Variants in TUBGCP2 observed in about 807,000 individuals in gnomAD.
The protein encoded by TUBGCP2 is tubulin gamma complex component 2.
Under a neutral mutation model 92.2 loss-of-function variants are expected in TUBGCP2, and 55 were observed. That is an observed-to-expected ratio of 0.60 (90% CI 0.48 to 0.75). The LOEUF (loss-of-function observed/expected upper bound fraction) is 0.75, where lower values mean the gene tolerates loss of function less well. Among genes scored for constraint, TUBGCP2 ranks in the 30% least tolerant of loss-of-function variants. The probability of loss-of-function intolerance (pLI) is 0.00; values close to 1 mark genes in which losing one functional copy is unlikely to be tolerated. For synonymous variants in TUBGCP2, 533 were observed against 505.2 expected (o/e 1.06, Z -0.74); for missense variants, 1,093 against 1,188.9 (o/e 0.92, Z 1.19).
At chr10:133,292,796 G>A (rs1847390729) in intron 7 of TUBGCP2, 108 bp from the exon 8 acceptor site, 3 of 1,358,728 alleles carry the variant, frequency 2.2e-6, no homozygotes, top group Non-Finnish European at 3.0e-6. Context: ...TCCTGGGACG[G>A]TGCTGCTTCT....
At chr10:133,288,345 C>T (rs777891971) in intron 10 of TUBGCP2, 36 bp from the exon 11 acceptor site, 75 of 1,591,090 alleles carry the variant, frequency 4.7e-5, no homozygotes, top group Non-Finnish European at 5.8e-5. Flanking sequence ...GGTGCCCACC[C>T]GCAGGTGCCC....
At chr10:133,300,535 CAT>C (rs920690715) in intron 2 of TUBGCP2, 1 of 164,938 alleles carries the variant, frequency 6.1e-6, no homozygotes, top group Non-Finnish European at 1.3e-5. Flanking sequence ...GATCGTGCCA[CAT>C]GCATTCCAGC....
Position 133,289,895 on chromosome 10 carries a change from T to C in TUBGCP2, c.1289A>G (p.Gln430Arg), listed in dbSNP as rs1847239019. The C allele has an allele frequency of 6.2e-7, 1 of 1,604,046 alleles. No individual in the cohort carries two copies. The highest frequency in any genetic ancestry group is 1.4e-5 in the African/African-American group (1 of 72,360). ...QEDYNDKYWD[Q>R]RYTIVQQQIP... ...CTGCTGCTGGACGATGGTGTACCGC[T>C]GGTCCCAGTACTTGTCGTTGTAATC... The change falls in exon 9 of 18, where the codon CAG becomes CGG. Residue 430 changes from glutamine (Q) to arginine (R), a missense_variant. Around this residue, in one of 3 missense-constraint regions of TUBGCP2, gnomAD observed 598 missense variants for 675.5 expected, o/e 0.89. Coordinates refer to ENST00000252936, the MANE Select transcript of TUBGCP2 (RefSeq NM_006659.4).
At position 133,308,841 on chromosome 10, in the gene TUBGCP2, G is replaced by A. The variant is rs948686910; in HGVS notation, c.-58C>T. On this transcript the variant is annotated 5_prime_UTR_variant, in exon 1 of 18. Coordinates refer to ENST00000252936, the MANE Select transcript of TUBGCP2 (RefSeq NM_006659.4). ...GACTCACCGCAGTCCCGGAGCCACA[G>A]CCCCCGCGCAGCCCCCGACGGCGGC... The A allele has an allele frequency of 9.7e-7, 1 of 1,029,720 alleles. No homozygotes were observed. The highest frequency in any genetic ancestry group is 3.7e-4 in the Middle Eastern group (1 of 2,710). 63.8% of individuals were successfully genotyped at this position (1,029,720 alleles called of 1,614,324 possible).
intron 5 of TUBGCP2, among the ~76,000 whole-genome samples, chr10:133,296,768 G>A (rs1847497163): frequency 6.6e-6 from 1 of 152,222 alleles, no homozygotes; most frequent in East Asian, 1.9e-4. Context: ...GAGCCACCAT[G>A]CCTGGCCGAA....
At chr10:133,293,962 C>T (rs1847427474) in intron 5 of TUBGCP2, among the ~76,000 whole-genome samples, 193 bp from the exon 6 acceptor site, 1 of 152,252 alleles carries the variant, frequency 6.6e-6, no homozygotes, top group African/African-American at 2.4e-5. Flanking sequence ...CAGGACGGGG[C>T]CGGCCTGGGA....
rs1234763741 is a variant in TUBGCP2, at chr10:133,279,074, T to C, written c.*692A>G. 1 of 152,228 alleles carries C rather than the reference T, an allele frequency of 6.6e-6. No homozygotes were observed. The highest frequency in any genetic ancestry group is 2.4e-5 in the African/African-American group (1 of 41,438). 9.4% of individuals were successfully genotyped at this position (152,228 alleles called of 1,614,324 possible). On this transcript the variant is annotated 3_prime_UTR_variant, in exon 18 of 18. Transcript: ENST00000252936. ...TCGCCCGAGGGGGATTGGGTGTCAG[T>C]CTGCTGAGTAAGTTCTACGTAACAA...
chr10:133,287,603 G>A (rs1188922388), intron 11 of TUBGCP2, among the ~76,000 whole-genome samples: 3 of 146,632 alleles, frequency 2.0e-5, no homozygotes, highest in African/African-American at 7.6e-5. Flanking sequence ...TTAGCTGGGC[G>A]TGGTGGCGCG....
upstream of TUBGCP2, chr10:133,311,835 G>C: frequency 6.2e-7 from 1 of 1,613,386 alleles, no homozygotes; most frequent in Non-Finnish European, 8.5e-7. Context: ...CGGATCTACA[G>C]ACATAGGTCA....
Position 133,292,661 on chromosome 10 carries a change from A to C in TUBGCP2, c.1052T>G (p.Leu351Arg), listed in dbSNP as rs1372848436. Residue 351 changes from leucine to arginine, a missense_variant, in exon 8 of 18, where the codon CTT (leucine) becomes CGT (arginine). Transcript: ENST00000252936. ...LATSVDKGEC[L>R]GGSTLSLLHD... ...GAGCAGGCTCAGCGTGGACCCCCCA[A>C]GACATTCGCCTTTGTCCACCGAGGT... is the stretch of plus-strand genomic sequence containing the variant. 1.2e-6 allele frequency: 2 copies of C among 1,613,852 alleles called. No individual in the cohort carries two copies. Among genetic ancestry groups the C allele is most frequent in the Non-Finnish European group, 1.7e-6 (2 of 1,179,972 alleles).
At chr10:133,296,310 G>A (rs1589832307) in intron 5 of TUBGCP2, among the ~76,000 whole-genome samples, 1 of 152,146 alleles carries the variant, frequency 6.6e-6, no homozygotes, top group Admixed American at 6.5e-5. Context: ...AGGGCCCCGC[G>A]CTTCCTTCTC....
chr10:133,312,331 GATTTTAAATTA>G, upstream of TUBGCP2: 4 of 1,171,612 alleles, frequency 3.4e-6, no homozygotes, highest in Non-Finnish European at 4.2e-6. Flanking sequence ...AGTTAAAGTT[GATTTTAAATTA>G]ATTTGGGAAA....
At chr10:133,295,001 G>C (rs1847456472) in intron 5 of TUBGCP2, among the ~76,000 whole-genome samples, 1 of 152,158 alleles carries the variant, frequency 6.6e-6, no homozygotes, top group African/African-American at 2.4e-5. Context: ...CTCTGACTCT[G>C]CATCACTTAC....
intron 16 of TUBGCP2, 94 bp downstream of exon 16, chr10:133,282,129 G>A (rs540161258): frequency 1.3e-6 from 2 of 1,573,106 alleles, no homozygotes; most frequent in Non-Finnish European, 1.7e-6. Context: ...GGAAGTAAAA[G>A]GGGGGAGGTT....
At chr10:133,309,314 C>T (rs1407514837), upstream of TUBGCP2, 10 of 1,525,338 alleles carry the variant, frequency 6.6e-6, no homozygotes, top group Non-Finnish European at 8.0e-6. Flanking sequence ...ACTGGGGCCA[C>T]GGGTGTGGGC....
intron 1 of TUBGCP2, among the ~76,000 whole-genome samples, chr10:133,303,559 C>T (rs1477852207): frequency 6.6e-6 from 1 of 152,198 alleles, no homozygotes; most frequent in Non-Finnish European, 1.5e-5. Flanking sequence ...ACAGGGAGCT[C>T]TGTGCAGGCC....
chr10:133,309,655 G>C, upstream of TUBGCP2: 6 of 1,328,514 alleles, frequency 4.5e-6, no homozygotes, highest in Non-Finnish European at 6.4e-6. Context: ...TAAAAAGAGG[G>C]TTTGGGATTG....
intron 16 of TUBGCP2, 51 bp downstream of exon 16, chr10:133,282,172 G>A (rs750915837): frequency 1.2e-5 from 19 of 1,608,610 alleles, no homozygotes; most frequent in Middle Eastern, 2.2e-4. Context: ...CCAGGCTGCC[G>A]CCCAGCCGGG....
At chr10:133,284,451 C>A (rs553588181) in intron 13 of TUBGCP2, among the ~76,000 whole-genome samples, 2 of 152,356 alleles carry the variant, frequency 1.3e-5, no homozygotes, top group Admixed American at 1.3e-4. Context: ...CAGCCTTGAC[C>A]TCCTGGACTC....
Sources: gnomAD v4.1 joint callset for allele counts (sites outside exome capture counted in the v4.1 genomes callset) on GRCh38, gnomAD v4.1.1 for gene constraint, gnomAD v4.1.1 regional missense constraint, MANE v1.5 for transcripts, NCBI Gene and HGNC (gene_info 2026-07-23, HGNC 2026-07-21) for gene names.